DOCK4: variants seen among roughly 807,000 people sequenced by gnomAD.
DOCK4 encodes the protein dedicator of cytokinesis 4.
DOCK4 carries 97 observed loss-of-function variants against 268.1 expected under a neutral mutation model. The observed-to-expected ratio is 0.36, with a 90% CI of 0.31 to 0.43. The LOEUF is 0.43. Among genes scored for constraint, DOCK4 ranks in the 20% least tolerant of loss-of-function variants. The pLI is 1.00. For missense variants in DOCK4, 2,145 were observed against 2,455.7 expected, an observed-to-expected ratio of 0.87 and a Z score of 2.67; for synonymous variants, 954 against 887.2, an observed-to-expected ratio of 1.08 and a Z score of -1.34.
At chr7:111,772,667 G>A (rs1411851765) in intron 36 of DOCK4, among the ~76,000 whole-genome samples, 2 of 151,980 alleles carry the variant, frequency 1.3e-5, no homozygotes, top group East Asian at 1.9e-4. Context: ...ATGGTGGCAG[G>A]CACCTGTAAT....
chr7:111,740,144 G>A, intron 47 of DOCK4: 1 of 435,594 alleles, frequency 2.3e-6, no homozygotes, highest in Non-Finnish European at 4.6e-6. Flanking sequence ...TTGTTGCCCA[G>A]GCTGGAGTGC....
intron 13 of DOCK4, among the ~76,000 whole-genome samples, chr7:111,914,289 C>T (rs545965057): frequency 1.3e-5 from 2 of 152,164 alleles, no homozygotes; most frequent in Non-Finnish European, 1.5e-5. Flanking sequence ...GCCTCCAAAC[C>T]GGTCTCCCTG....
intron 1 of DOCK4, among the ~76,000 whole-genome samples, chr7:112,114,580 A>C (rs561173105): frequency 1.3e-5 from 2 of 152,202 alleles, no homozygotes; most frequent in Non-Finnish European, 2.9e-5. Flanking sequence ...ATATTTGTGG[A>C]AGTGTTTTTC....
intron 1 of DOCK4, among the ~76,000 whole-genome samples, chr7:112,161,674 T>A (rs1422627857): frequency 1.3e-5 from 2 of 152,184 alleles, no homozygotes; most frequent in Non-Finnish European, 2.9e-5. Flanking sequence ...GATGCTTTAC[T>A]TATGGAAGGA....
chr7:111,926,769 G>C (rs1464622706), intron 12 of DOCK4, among the ~76,000 whole-genome samples: 1 of 151,356 alleles, frequency 6.6e-6, no homozygotes, highest in Non-Finnish European at 1.5e-5. Context: ...GGGAGGCAGA[G>C]GTTGCAGTGA....
rs897658922 is a variant in DOCK4, at chr7:111,810,272, T to C, written c.3007-871A>G. ...TTCGAGACCAGCCTGGCCAATATGGTGAAACCCCGTCTATCCTAAGAATAC... is the reference window on the plus strand; with the variant it reads ...TTCGAGACCAGCCTGGCCAATATGGCGAAACCCCGTCTATCCTAAGAATAC... On this transcript the variant is annotated intron_variant, in intron 28 of 52. Transcript: ENST00000428084. Among the ~76,000 whole-genome samples the C allele has an allele frequency of 3.3e-5, 5 of 151,646 alleles. No individual in the cohort carries two copies. In the East Asian group the frequency reaches 9.8e-4, roughly 30 times the overall value.
intron 1 of DOCK4, among the ~76,000 whole-genome samples, chr7:112,180,905 T>C (rs1030013232): frequency 1.3e-5 from 2 of 152,238 alleles, no homozygotes; most frequent in African/African-American, 4.8e-5. Flanking sequence ...TTGGTAAAAA[T>C]GGCTCATGAT....
intron 1 of DOCK4, among the ~76,000 whole-genome samples, chr7:112,170,398 C>T (rs1308005576): frequency 6.6e-6 from 1 of 151,862 alleles, no homozygotes; most frequent in East Asian, 1.9e-4. Flanking sequence ...GAGGGTGAGG[C>T]TGCAGTGAGC....
chr7:111,798,830 T>C (rs1800076654), intron 30 of DOCK4, among the ~76,000 whole-genome samples: 1 of 152,244 alleles, frequency 6.6e-6, no homozygotes, highest in African/African-American at 2.4e-5. Flanking sequence ...AAGTATGCTT[T>C]CCTAATTTTC....
chr7:111,762,762 C>CTTTTTTTTTTTTTGTTTTTTTTT (rs1797509608), intron 39 of DOCK4, among the ~76,000 whole-genome samples: 1 of 63,068 alleles, frequency 1.6e-5, no homozygotes, highest in Non-Finnish European at 3.0e-5. Flanking sequence ...GTTTTGTTTT[C>CTTTTTTTTTTTTTGTTTTTTTTT]TTTTTTTTTT....
chr7:111,869,094 T>C (rs1254902503), intron 21 of DOCK4, among the ~76,000 whole-genome samples: 2 of 152,130 alleles, frequency 1.3e-5, no homozygotes. Context: ...CAACTGAGCA[T>C]ATGGTGCCCA....
At chr7:112,053,806 T>C (rs1309591094) in intron 1 of DOCK4, among the ~76,000 whole-genome samples, 1 of 152,168 alleles carries the variant, frequency 6.6e-6, no homozygotes, top group Non-Finnish European at 1.5e-5. Context: ...GCTAATCATA[T>C]GCGCTGGGAC....
chr7:112,058,514 T>C (rs2135583891), intron 1 of DOCK4, among the ~76,000 whole-genome samples: 1 of 152,312 alleles, frequency 6.6e-6, no homozygotes, highest in Non-Finnish European at 1.5e-5. Context: ...CTCTTCTGAA[T>C]GGGGCTTCCA....
intron 27 of DOCK4, among the ~76,000 whole-genome samples, chr7:111,815,056 C>T (rs1194206117): frequency 2.0e-5 from 3 of 151,880 alleles, no homozygotes; most frequent in African/African-American, 7.3e-5. Context: ...AAATCACAGC[C>T]AATCAAAATT....
intron 1 of DOCK4, among the ~76,000 whole-genome samples, chr7:112,105,368 C>T (rs1221401067): frequency 6.6e-6 from 1 of 152,092 alleles, no homozygotes; most frequent in Non-Finnish European, 1.5e-5. Flanking sequence ...ATAGTAGCCA[C>T]CACAAGATAA....
intron 1 of DOCK4, among the ~76,000 whole-genome samples, chr7:112,100,477 G>A (rs967969677): frequency 1.3e-5 from 2 of 152,228 alleles, no homozygotes; most frequent in Non-Finnish European, 1.5e-5. Flanking sequence ...AAAAGACCCC[G>A]TCCTTCCCTC....
chr7:111,863,212 T>G (rs962825140), intron 23 of DOCK4, 160 bp downstream of exon 23: 1 of 696,854 alleles, frequency 1.4e-6, no homozygotes, highest in Non-Finnish European at 2.4e-6. Context: ...TGCCATACTT[T>G]TGTATTTGAC....
intron 23 of DOCK4, among the ~76,000 whole-genome samples, chr7:111,859,419 G>T (rs560882681): frequency 6.6e-5 from 10 of 152,044 alleles, no homozygotes; most frequent in African/African-American, 9.6e-5. Context: ...TATAATAAAA[G>T]AATTTTTTTT....
intron 35 of DOCK4, among the ~76,000 whole-genome samples, chr7:111,778,964 A>G (rs1378533197): frequency 1.3e-5 from 2 of 152,124 alleles, no homozygotes; most frequent in African/African-American, 4.8e-5. Flanking sequence ...CTGAGGCAGG[A>G]GAATCGCTTG....
Sources: gnomAD v4.1 joint callset for allele counts (sites outside exome capture counted in the v4.1 genomes callset) on GRCh38, gnomAD v4.1.1 for gene constraint, MANE v1.5 for transcripts, NCBI Gene and HGNC (gene_info 2026-07-23, HGNC 2026-07-21) for gene names.